The following UNC13B variants were observed in gnomAD, a reference collection of about 807,000 sequenced individuals.
UNC13B encodes the protein unc-13 homolog B, also known as protein unc-13 homolog B.
A neutral mutation model predicts 211.0 loss-of-function variants in UNC13B; 144 were observed. The observed-to-expected ratio is 0.68, with a 90% confidence interval of 0.60 to 0.78. UNC13B has a LOEUF of 0.78. Among genes scored for constraint, UNC13B ranks in the 30% least tolerant of loss-of-function variants. The probability of loss-of-function intolerance (pLI) is 0.00; values close to 1 mark genes in which losing one functional copy is unlikely to be tolerated. For missense variants in UNC13B, 1,777 were observed against 2,002.0 expected (o/e 0.89, Z 2.14); for synonymous variants, 709 against 725.8 (o/e 0.98, Z 0.37).
At position 35,398,543 on chromosome 9, in the gene UNC13B, T is replaced by C. The variant is rs1836044251; in HGVS notation, c.11833-11T>C. 2 of 1,613,646 alleles carry C rather than the reference T, an allele frequency of 1.2e-6. No homozygotes were observed. Among genetic ancestry groups the C allele is most frequent in the African/African-American group, 1.3e-5 (1 of 75,004 alleles). On this transcript the variant is annotated splice_polypyrimidine_tract_variant and intron_variant, in intron 31 of 39. Coordinates refer to ENST00000635942, the MANE Select transcript of UNC13B (RefSeq NM_001371189.2). ...AAGCAGCCTAGCCAGGCTTACCTCC[T>C]GTGAATACAGCTGGACCTTGAAGCT...
At position 35,236,998 on chromosome 9, in the gene UNC13B, C is replaced by T. The variant is rs558808200; in HGVS notation, c.270+412C>T. Among the ~76,000 whole-genome samples the T allele has an allele frequency of 3.9e-5, 6 of 152,256 alleles. No individual in the cohort carries two copies. In the East Asian group the frequency reaches 7.7e-4, roughly 20 times the overall value. On this transcript the variant is annotated intron_variant, in intron 4 of 39. Transcript: ENST00000635942. ...TTTGTTTCTTTGAGTTACCAATCTC[C>T]AAGGAACTAGTTTTCAGTGCCCTTC... is the stretch of plus-strand genomic sequence containing the variant.
At chr9:35,380,773 C>T in intron 18 of UNC13B, 134 bp downstream of exon 18, 1 of 1,208,578 alleles carries the variant, frequency 8.3e-7, no homozygotes, top group African/African-American at 1.5e-5. Context: ...CTGCAAAGAA[C>T]TGACTGTGGG....
intron 11 of UNC13B, among the ~76,000 whole-genome samples, chr9:35,347,569 C>T (rs1832442116): frequency 6.6e-6 from 1 of 152,188 alleles, no homozygotes; most frequent in Non-Finnish European, 1.5e-5. Context: ...GCTTCAAAGC[C>T]CAAAGACTGG....
intron 1 of UNC13B, among the ~76,000 whole-genome samples, chr9:35,217,187 TG>T (rs1339720227): frequency 1.3e-5 from 2 of 152,198 alleles, no homozygotes; most frequent in Non-Finnish European, 2.9e-5. Flanking sequence ...ACTATAGTTA[TG>T]TAAGATTTAA....
In UNC13B at chr9:35,216,402, A is replaced by G. The variant is rs150528707; in HGVS notation, c.23-11613A>G. 7.9e-5 allele frequency among the ~76,000 whole-genome samples: 12 copies of G among 152,338 alleles called. No individual in the cohort carries two copies. In the East Asian group the frequency reaches 2.1e-3, roughly 27 times the overall value. ...GGGGTTTCACGACCCATGGAATGACATAGCAGTGAGTTCCCTGGACTTGCT... is the reference window on the plus strand; with the variant it reads ...GGGGTTTCACGACCCATGGAATGACGTAGCAGTGAGTTCCCTGGACTTGCT... On this transcript the variant is annotated intron_variant, in intron 1 of 39. Transcript: ENST00000635942.
In UNC13B at chr9:35,259,055, G is replaced by A; in HGVS notation, c.526+5G>A. On this transcript the variant is annotated splice_donor_5th_base_variant and intron_variant, in intron 7 of 39. Transcript: ENST00000635942. ...CCACTGCTGCCGCCCAGTGTTGTAA[G>A]TGAGAAACTTGTCTATGAATCTCTT... The A allele has an allele frequency of 6.2e-7, 1 of 1,613,812 alleles. No individual in the cohort carries two copies. Among genetic ancestry groups the A allele is most frequent in the Non-Finnish European group, 8.5e-7 (1 of 1,179,880 alleles).
chr9:35,392,392 G>A (rs561058791), intron 26 of UNC13B, among the ~76,000 whole-genome samples: 4 of 152,196 alleles, frequency 2.6e-5, no homozygotes, highest in African/African-American at 9.6e-5. Flanking sequence ...GAGGGTGCTG[G>A]GATTAGAGAA....
At chr9:35,343,904 A>G (rs1361105163) in intron 11 of UNC13B, among the ~76,000 whole-genome samples, 3 of 152,050 alleles carry the variant, frequency 2.0e-5, no homozygotes, top group African/African-American at 7.2e-5. Context: ...ATGATTAATA[A>G]TTTTTTATAT....
chr9:35,254,427 G>A (rs1015554843), intron 6 of UNC13B, among the ~76,000 whole-genome samples: 19 of 152,086 alleles, frequency 1.2e-4, no homozygotes, highest in African/African-American at 4.6e-4. Context: ...TCTTTTGTAA[G>A]GGTGCTTATG....
intron 1 of UNC13B, among the ~76,000 whole-genome samples, chr9:35,225,950 T>A (rs894212352): frequency 6.6e-6 from 1 of 152,220 alleles, no homozygotes; most frequent in South Asian, 2.1e-4. Flanking sequence ...CAGCAGCATG[T>A]GTGGCTTTTA....
chr9:35,266,050 G>T (rs950270344), intron 7 of UNC13B, among the ~76,000 whole-genome samples: 4 of 152,108 alleles, frequency 2.6e-5, no homozygotes, highest in African/African-American at 9.7e-5. Context: ...TGATCTGCCT[G>T]GCTTGGTCTC....
At position 35,342,153 on chromosome 9, in the gene UNC13B, T is replaced by G. The variant is rs1002494559; in HGVS notation, c.9415-24794T>G. 6 of 985,280 alleles carry G rather than the reference T, an allele frequency of 6.1e-6. No individual in the cohort carries two copies. The African/African-American group carries it at 1.0e-4, about 17-fold the overall frequency. The allele number at this position is 985,280 out of a possible 1,614,324, so 61.0% of individuals were successfully genotyped here. On this transcript the variant is annotated intron_variant, in intron 11 of 39. Transcript: ENST00000635942. ...CAACTGAGAATATTAGCTCCTTGGG[T>G]CTGTTTGTCGGTTGGGCAAGCAGTG... is the stretch of plus-strand genomic sequence containing the variant.
Position 35,314,007 on chromosome 9 carries a change from G to A in UNC13B, c.9414+18G>A, listed in dbSNP as rs746553156. On this transcript the variant is annotated intron_variant, in intron 11 of 39. Transcript: ENST00000635942. Reference sequence around the variant, plus strand: ...TGCAGGAGGTAGGAAATCTGTTCTAGTACTGGTTGGGACAATTTTTCCTTT... The same window carrying A: ...TGCAGGAGGTAGGAAATCTGTTCTAATACTGGTTGGGACAATTTTTCCTTT... The A allele has an allele frequency of 6.2e-7, 1 of 1,602,268 alleles. No homozygotes were observed. The highest frequency in any genetic ancestry group is 8.6e-7 in the Non-Finnish European group (1 of 1,169,318).
intron 3 of UNC13B, among the ~76,000 whole-genome samples, chr9:35,236,066 T>C (rs1229386470): frequency 1.4e-5 from 2 of 147,342 alleles, no homozygotes; most frequent in Non-Finnish European, 3.0e-5. Context: ...ATTTATATAC[T>C]TGTGTTACCA....
intron 1 of UNC13B, among the ~76,000 whole-genome samples, chr9:35,178,705 A>T (rs1187652380): frequency 2.0e-5 from 3 of 151,874 alleles, no homozygotes; most frequent in Non-Finnish European, 2.9e-5. Context: ...AGCGTGGCCA[A>T]CATGGTGAAA....
At position 35,231,247 on chromosome 9, in the gene UNC13B, T is replaced by C. The variant is rs371483057; in HGVS notation, c.152+28T>C. 1,933 of 1,403,290 alleles carry C rather than the reference T, an allele frequency of 1.4e-3. 27 individuals carry two copies. The South Asian group carries it at 0.018, about 13-fold the overall frequency. 86.9% of individuals were successfully genotyped at this position (1,403,290 alleles called of 1,614,324 possible). A position where few individuals can be genotyped will look rare whatever the true frequency, so the allele number is the denominator to read the frequency against. On this transcript the variant is annotated intron_variant, in intron 3 of 39. Coordinates refer to ENST00000635942, the MANE Select transcript of UNC13B (RefSeq NM_001371189.2). ...AAGTATTTTGCAGCAGCAGTGTGCC[T>C]ACATATTTTATAATCTTTTTAAGGG... is the stretch of plus-strand genomic sequence containing the variant.
chr9:35,204,676 A>C (rs1368024384), intron 1 of UNC13B, among the ~76,000 whole-genome samples: 1 of 152,142 alleles, frequency 6.6e-6, no homozygotes, highest in Admixed American at 6.5e-5. Context: ...TCTTTTGCCC[A>C]ATTTCTCCTT....
chr9:35,338,637 A>G (rs1222545548), intron 11 of UNC13B, among the ~76,000 whole-genome samples: 1 of 152,162 alleles, frequency 6.6e-6, no homozygotes, highest in Non-Finnish European at 1.5e-5. Context: ...CAGCTTTTTC[A>G]TGTTGCTTCT....
rs771435392 is a variant in UNC13B, at chr9:35,384,292, G to A, written c.10853G>A (p.Arg3618Lys). The A allele has an allele frequency of 1.2e-6, 2 of 1,613,986 alleles. No individual in the cohort carries two copies. The highest frequency in any genetic ancestry group is 8.5e-7 in the Non-Finnish European group (1 of 1,179,952). ...KLLDQLHNSL[R>K]IDLSTYRNNF... ...CTGGACCAGCTACACAACTCACTGA[G>A]GATCGACCTCTCTACATACAGGGTG... Residue 3618 changes from arginine (R) to lysine (K), a missense_variant, in exon 22 of 40, where the codon AGG becomes AAG. Arg to Lys is a conservative substitution (Grantham distance 26, BLOSUM62 2). Transcript: ENST00000635942.
Sources: gnomAD v4.1 joint callset for allele counts (sites outside exome capture counted in the v4.1 genomes callset) on GRCh38, gnomAD v4.1.1 for gene constraint, MANE v1.5 for transcripts, NCBI Gene and HGNC (gene_info 2026-07-23, HGNC 2026-07-21) for gene names.